AMPH: variants seen among roughly 807,000 people sequenced by gnomAD.
The protein encoded by AMPH is amphiphysin (Stiff-Mann syndrome with breast cancer 128kD autoantigen).
AMPH carries 49 observed loss-of-function variants against 99.1 expected under a neutral mutation model. The observed-to-expected ratio is 0.49, with a 90% CI of 0.39 to 0.63. The LOEUF is 0.63. Ranked by LOEUF, AMPH falls within the 20% of genes least tolerant of loss-of-function variation. The pLI is 0.00. For synonymous variants in AMPH, 314 were observed against 317.3 expected, an observed-to-expected ratio of 0.99 and a Z score of 0.11; for missense variants, 759 against 863.4, an observed-to-expected ratio of 0.88 and a Z score of 1.52.
intron 1 of AMPH, among the ~76,000 whole-genome samples, chr7:38,538,803 G>A (rs1303414360): frequency 6.6e-6 from 1 of 152,204 alleles, no homozygotes; most frequent in African/African-American, 2.4e-5. Context: ...TTTCTTTGGG[G>A]GAGACTGAGT....
intron 2 of AMPH, among the ~76,000 whole-genome samples, chr7:38,516,233 T>A (rs1789734781): frequency 6.6e-6 from 1 of 152,178 alleles, no homozygotes; most frequent in African/African-American, 2.4e-5. Flanking sequence ...TTCAGAGACC[T>A]TCTTGGCAGC....
chr7:38,581,919 G>C (rs900536896), intron 1 of AMPH, among the ~76,000 whole-genome samples: 2 of 152,106 alleles, frequency 1.3e-5, no homozygotes, highest in African/African-American at 4.8e-5. Flanking sequence ...GAGATGGGGT[G>C]CTCATTTTTT....
intron 2 of AMPH, among the ~76,000 whole-genome samples, chr7:38,505,848 G>A (rs1254464951): frequency 1.3e-5 from 2 of 151,934 alleles, no homozygotes; most frequent in Non-Finnish European, 2.9e-5. Flanking sequence ...CACATTCTGA[G>A]TACATAAATA....
intron 1 of AMPH, among the ~76,000 whole-genome samples, chr7:38,547,334 A>G (rs1186403745): frequency 6.6e-6 from 1 of 152,204 alleles, no homozygotes; most frequent in Non-Finnish European, 1.5e-5. Context: ...TAATGAATTA[A>G]AACAATCCAA....
rs142773884 is a variant in AMPH, at chr7:38,551,669, C to T, written c.70-16658G>A. On this transcript the variant is annotated intron_variant, in intron 1 of 20. Coordinates refer to ENST00000356264, the MANE Select transcript of AMPH (RefSeq NM_001635.4). The stretch of plus-strand genomic sequence containing the variant: ...TAAATAGTGCAAATACCTTCCCCCA[C>T]GGCCCATGGACCCAGGGATGTGAGT... Among the ~76,000 whole-genome samples, 1,007 of 152,224 alleles carry T rather than the reference C, an allele frequency of 6.6e-3. 10 individuals are homozygous for T. The highest frequency in any genetic ancestry group is 0.022 in the African/African-American group (931 of 41,504).
At position 38,531,322 on chromosome 7, in the gene AMPH, C is replaced by A. The variant is rs2118457; in HGVS notation, c.150+3609G>T. The A allele has an allele frequency of 8.4e-3, 1,287 of 152,342 alleles. 19 individuals are homozygous for A. The highest frequency in any genetic ancestry group is 0.029 in the African/African-American group (1,222 of 41,558). The allele number at this position is 152,342 out of a possible 1,614,324, so 9.4% of individuals were successfully genotyped here. A position where few individuals can be genotyped will look rare whatever the true frequency, so the allele number is the denominator to read the frequency against. ...TGCTGAGTAGCTGGAACTACAGGCACGCACCATGGCACCAGGCTCTCCTTG... is the reference window on the plus strand; with the variant it reads ...TGCTGAGTAGCTGGAACTACAGGCAAGCACCATGGCACCAGGCTCTCCTTG... On this transcript the variant is annotated intron_variant, in intron 2 of 20. Coordinates refer to ENST00000356264, the MANE Select transcript of AMPH (RefSeq NM_001635.4).
chr7:38,434,467 T>C (rs927396148), intron 12 of AMPH, among the ~76,000 whole-genome samples: 4 of 152,174 alleles, frequency 2.6e-5, no homozygotes, highest in African/African-American at 2.4e-5. Context: ...GGGCCGGGCA[T>C]GGTGGCTCAT....
chr7:38,432,516 G>A (rs951487165), intron 12 of AMPH, among the ~76,000 whole-genome samples: 2 of 151,688 alleles, frequency 1.3e-5, no homozygotes, highest in African/African-American at 2.4e-5. Flanking sequence ...GGATAGCACA[G>A]GTCTAATCAA....
rs1554336944 is a variant in AMPH, at chr7:38,441,853, T to TATATATATC, written c.1018-5466_1018-5465insGATATATAT. Among the ~76,000 whole-genome samples, 6 of 91,040 alleles carry TATATATATC rather than the reference T, an allele frequency of 6.6e-5. No individual in the cohort carries two copies. In the East Asian group the frequency reaches 1.6e-3, roughly 25 times the overall value. The allele number at this position is 91,040 out of a possible 152,430, so 59.7% of individuals were successfully genotyped here. On this transcript the variant is annotated intron_variant, in intron 11 of 20. Coordinates refer to ENST00000356264, the MANE Select transcript of AMPH (RefSeq NM_001635.4). ...TATATATCATATATCATATATATCATATATATCATATATATCATATATATA... is the reference window on the plus strand; with the variant it reads ...TATATATCATATATCATATATATCATATATATATCATATATCATATATATCATATATATA...
intron 2 of AMPH, among the ~76,000 whole-genome samples, chr7:38,534,582 G>A (rs1035332141): frequency 2.6e-5 from 4 of 152,284 alleles, no homozygotes; most frequent in African/African-American, 9.6e-5. Flanking sequence ...GGCTGAGGTG[G>A]GAGGATCACC....
At chr7:38,494,332 T>C in intron 4 of AMPH, 101 bp downstream of exon 4, 1 of 987,342 alleles carries the variant, frequency 1.0e-6, no homozygotes, top group Non-Finnish European at 1.6e-6. Context: ...GCACACTGTC[T>C]TGCCTCATGA....
At chr7:38,398,441 C>A (rs906999666) in intron 17 of AMPH, among the ~76,000 whole-genome samples, 2 of 152,210 alleles carry the variant, frequency 1.3e-5, no homozygotes, top group African/African-American at 4.8e-5. Flanking sequence ...AAGCCAGGCA[C>A]AGAAAGACAA....
intron 11 of AMPH, among the ~76,000 whole-genome samples, chr7:38,439,757 AT>A (rs1212029135): frequency 6.6e-6 from 1 of 152,170 alleles, no homozygotes; most frequent in Non-Finnish European, 1.5e-5. Context: ...AAATCTTCCA[AT>A]AGGAAAACAT....
chr7:38,390,184 T>G (rs1784449134), intron 19 of AMPH, among the ~76,000 whole-genome samples: 1 of 152,358 alleles, frequency 6.6e-6, no homozygotes, highest in Non-Finnish European at 1.5e-5. Flanking sequence ...TTGCATTTTA[T>G]TATCGCTGAT....
At chr7:38,429,988 A>C in intron 13 of AMPH, 123 bp from the exon 14 acceptor site, 1 of 902,584 alleles carries the variant, frequency 1.1e-6, no homozygotes, top group South Asian at 2.2e-5. Context: ...GTTTAGGAAC[A>C]AATTTTACAA....
intron 2 of AMPH, among the ~76,000 whole-genome samples, chr7:38,523,976 C>T (rs191117633): frequency 6.6e-6 from 1 of 151,966 alleles, no homozygotes; most frequent in African/African-American, 2.4e-5. Context: ...CTAGAGATAC[C>T]TGGCAGATAT....
chr7:38,514,714 T>C (rs1375656639), intron 2 of AMPH, among the ~76,000 whole-genome samples: 5 of 152,234 alleles, frequency 3.3e-5, no homozygotes, highest in Non-Finnish European at 7.3e-5. Context: ...CTTCTGCCAA[T>C]GTCTGAGCAG....
At position 38,552,745 on chromosome 7, in the gene AMPH, T is replaced by C. The variant is rs116252282; in HGVS notation, c.70-17734A>G. 3.6e-3 allele frequency among the ~76,000 whole-genome samples: 546 copies of C among 152,326 alleles called. 4 individuals are homozygous for C. Among genetic ancestry groups the C allele is most frequent in the African/African-American group, 0.013 (524 of 41,582 alleles). ...GCTCAAATAAGGGAAGGGAAGAGCT[T>C]TGGAGAAGGTTCATGACCTTGACCC... On this transcript the variant is annotated intron_variant, in intron 1 of 20. Coordinates refer to ENST00000356264, the MANE Select transcript of AMPH (RefSeq NM_001635.4).
At chr7:38,404,586 A>G (rs928777486) in intron 17 of AMPH, among the ~76,000 whole-genome samples, 1 of 152,304 alleles carries the variant, frequency 6.6e-6, no homozygotes. Flanking sequence ...ACAATCATAT[A>G]CAACAAACTC....
Sources: gnomAD v4.1 joint callset for allele counts (sites outside exome capture counted in the v4.1 genomes callset) on GRCh38, gnomAD v4.1.1 for gene constraint, MANE v1.5 for transcripts, NCBI Gene and HGNC (gene_info 2026-07-23, HGNC 2026-07-21) for gene names.